The following ST7 variants were observed in gnomAD, a reference collection of about 807,000 sequenced individuals.
ST7 encodes suppressor of tumorigenicity 7 protein.
Under a neutral mutation model 78.7 loss-of-function variants are expected in ST7, and 28 were observed. The ratio of observed to expected loss-of-function variants is 0.36; its 90% CI spans 0.26 to 0.49. The LOEUF (loss-of-function observed/expected upper bound fraction) is 0.49, where lower values mean the gene tolerates loss of function less well. Among genes scored for constraint, ST7 ranks in the 20% least tolerant of loss-of-function variants. ST7 has a pLI of 0.99. For synonymous variants in ST7, 247 were observed against 249.6 expected, an observed-to-expected ratio of 0.99 and a Z score of 0.10; for missense variants, 418 against 696.0, an observed-to-expected ratio of 0.60 and a Z score of 4.49.
intron 3 of ST7, among the ~76,000 whole-genome samples, chr7:117,120,194 T>C (rs1164846401): frequency 6.6e-6 from 1 of 152,180 alleles, no homozygotes; most frequent in Non-Finnish European, 1.5e-5. Context: ...CCTCCCAAAG[T>C]GCTGGGACTA....
chr7:117,115,918 C>T (rs1375434966), intron 2 of ST7, among the ~76,000 whole-genome samples: 2 of 152,194 alleles, frequency 1.3e-5, no homozygotes, highest in Non-Finnish European at 2.9e-5. Flanking sequence ...TCCATTCAGT[C>T]TTCTAGTCAT....
intron 1 of ST7, among the ~76,000 whole-genome samples, chr7:117,009,902 G>A (rs1474436735): frequency 6.6e-6 from 1 of 152,122 alleles, no homozygotes; most frequent in Non-Finnish European, 1.5e-5. Flanking sequence ...TCTGTGCTTT[G>A]CAGCCACTGA....
At chr7:116,971,913 A>G (rs1464124651) in intron 1 of ST7, among the ~76,000 whole-genome samples, 1 of 152,254 alleles carries the variant, frequency 6.6e-6, no homozygotes, top group African/African-American at 2.4e-5. Context: ...CCTTTTAAAG[A>G]CATTATGCAT....
intron 9 of ST7, chr7:117,146,628 G>A (rs1805813236): frequency 6.6e-6 from 1 of 152,234 alleles, no homozygotes; most frequent in African/African-American, 2.4e-5. Context: ...AGAAGGTGGT[G>A]TGAAGTGATC....
At position 117,042,128 on chromosome 7, in the gene ST7, A is replaced by G. The variant is rs143586212; in HGVS notation, c.152-57634A>G. On this transcript the variant is annotated intron_variant, in intron 1 of 15. Transcript: ENST00000323984. ...CTTTATTTTACACAAACAGGAATTT[A>G]CAGTCCACACTTTTGTATTATTTGA... is the stretch of plus-strand genomic sequence containing the variant. Among the ~76,000 whole-genome samples the G allele has an allele frequency of 5.3e-4, 80 of 152,342 alleles. 2 individuals are homozygous for G. In the East Asian group the frequency reaches 0.012, roughly 23 times the overall value.
chr7:117,098,269 G>A (rs893823329), intron 1 of ST7, among the ~76,000 whole-genome samples: 2 of 151,638 alleles, frequency 1.3e-5, no homozygotes, highest in Non-Finnish European at 2.9e-5. Flanking sequence ...CATCTGCTTG[G>A]AAAGGCCCAT....
chr7:117,060,834 G>C (rs1396642241), intron 1 of ST7, among the ~76,000 whole-genome samples: 1 of 151,900 alleles, frequency 6.6e-6, no homozygotes, highest in African/African-American at 2.4e-5. Flanking sequence ...GGTGAAACTT[G>C]GTCTCTACTA....
chr7:117,016,427 C>T (rs928621644), intron 1 of ST7, among the ~76,000 whole-genome samples: 1 of 152,120 alleles, frequency 6.6e-6, no homozygotes, highest in Non-Finnish European at 1.5e-5. Context: ...TGTACCTCCT[C>T]CCACAAAGAA....
At chr7:117,189,236 C>T (rs994023684) in intron 10 of ST7, 85 bp from the exon 11 acceptor site, 15 of 859,026 alleles carry the variant, frequency 1.7e-5, no homozygotes, top group African/African-American at 5.1e-5. Context: ...TGCACTTAAA[C>T]GTGATTAAAA....
chr7:117,057,908 A>C (rs1278080302), intron 1 of ST7, among the ~76,000 whole-genome samples: 1 of 152,148 alleles, frequency 6.6e-6, no homozygotes, highest in Non-Finnish European at 1.5e-5. Context: ...AAAGTCTGGT[A>C]GTTATAGTAA....
chr7:117,119,818 A>G, intron 3 of ST7, 98 bp downstream of exon 3: 1 of 1,399,754 alleles, frequency 7.1e-7, no homozygotes, highest in Non-Finnish European at 9.7e-7. Flanking sequence ...TTATTTAAAC[A>G]TTAGGCTTCA....
chr7:116,994,952 C>T (rs1259492668), intron 1 of ST7, among the ~76,000 whole-genome samples: 8 of 151,996 alleles, frequency 5.3e-5, no homozygotes, highest in East Asian at 1.9e-4. Flanking sequence ...TAATCAGGAT[C>T]GACTTTTTCA....
At chr7:117,080,882 G>A (rs919297749) in intron 1 of ST7, 2 of 152,070 alleles carry the variant, frequency 1.3e-5, no homozygotes, top group Non-Finnish European at 2.9e-5. Flanking sequence ...ATGCCATTGA[G>A]TTTTCTATCC....
intron 1 of ST7, among the ~76,000 whole-genome samples, chr7:117,095,836 G>A (rs1161830323): frequency 6.6e-6 from 1 of 151,964 alleles, no homozygotes; most frequent in East Asian, 1.9e-4. Flanking sequence ...GGGAGGCCGA[G>A]GTGGGCGGAT....
intron 2 of ST7, among the ~76,000 whole-genome samples, chr7:117,115,342 G>C (rs918167817): frequency 2.7e-5 from 4 of 150,372 alleles, no homozygotes; most frequent in African/African-American, 9.8e-5. Context: ...GAAGTGAGAA[G>C]TGGTAGGTTA....
chr7:116,968,043 A>G (rs1793214171), intron 1 of ST7, among the ~76,000 whole-genome samples: 1 of 151,880 alleles, frequency 6.6e-6, no homozygotes, highest in East Asian at 1.9e-4. Flanking sequence ...TTGCTCCTTA[A>G]CTCTTTGTAT....
intron 1 of ST7, among the ~76,000 whole-genome samples, chr7:116,988,604 T>C (rs1794287055): frequency 1.3e-5 from 2 of 152,220 alleles, no homozygotes; most frequent in South Asian, 4.1e-4. Flanking sequence ...AAGCAGATTT[T>C]TTTCATTTCT....
chr7:117,062,259 A>G (rs1798398411), intron 1 of ST7, among the ~76,000 whole-genome samples: 1 of 152,170 alleles, frequency 6.6e-6, no homozygotes, highest in Non-Finnish European at 1.5e-5. Flanking sequence ...CCATCTCCAA[A>G]TACCATCACA....
At chr7:117,186,061 C>T (rs185730015) in intron 10 of ST7, among the ~76,000 whole-genome samples, 147 of 152,316 alleles carry the variant, frequency 9.7e-4, no homozygotes, top group Middle Eastern at 3.4e-3. Context: ...CTACTTACTA[C>T]ACACTGTGGC....
Sources: gnomAD v4.1 joint callset for allele counts (sites outside exome capture counted in the v4.1 genomes callset) on GRCh38, gnomAD v4.1.1 for gene constraint, MANE v1.5 for transcripts, NCBI Gene and HGNC (gene_info 2026-07-23, HGNC 2026-07-21) for gene names.